The following TMEM132D variants were observed in gnomAD, a reference collection of about 807,000 sequenced individuals.
TMEM132D encodes mature OL transmembrane protein.
Under a neutral mutation model 62.3 loss-of-function variants are expected in TMEM132D, and 21 were observed. That is an observed-to-expected ratio of 0.34 (90% CI 0.24 to 0.49). TMEM132D has a LOEUF of 0.49. Among genes scored for constraint, TMEM132D ranks in the 20% least tolerant of loss-of-function variants. The pLI is 0.99. For missense variants in TMEM132D, 1,346 were observed against 1,402.8 expected, an observed-to-expected ratio of 0.96 and a Z score of 0.65; for synonymous variants, 621 against 575.6, an observed-to-expected ratio of 1.08 and a Z score of -1.13.
intron 2 of TMEM132D, among the ~76,000 whole-genome samples, chr12:129,579,406 G>A (rs1262633669): frequency 2.0e-5 from 3 of 152,186 alleles, no homozygotes; most frequent in Admixed American, 2.0e-4. Context: ...ACAACCACAA[G>A]GTGAAGTCCC....
chr12:129,738,832 T>C (rs971977481), intron 1 of TMEM132D, among the ~76,000 whole-genome samples: 1 of 152,212 alleles, frequency 6.6e-6, no homozygotes, highest in African/African-American at 2.4e-5. Flanking sequence ...GCTTTCATTC[T>C]GCGAGATAAC....
chr12:129,615,800 T>C (rs7959543), intron 2 of TMEM132D, among the ~76,000 whole-genome samples: 12,622 of 53,966 alleles, frequency 0.23, 582 homozygotes, highest in Non-Finnish European at 0.33. Context: ...CAAAACAAAA[T>C]AAAATAAAAT....
intron 1 of TMEM132D, among the ~76,000 whole-genome samples, chr12:129,896,528 A>C (rs1875140351): frequency 6.6e-6 from 1 of 152,224 alleles, no homozygotes; most frequent in Non-Finnish European, 1.5e-5. Flanking sequence ...TTCCTGACCA[A>C]AATGCAAACA....
intron 4 of TMEM132D, among the ~76,000 whole-genome samples, chr12:129,282,424 C>T (rs1881182460): frequency 6.6e-6 from 1 of 152,132 alleles, no homozygotes; most frequent in Non-Finnish European, 1.5e-5. Flanking sequence ...TCCTGCAGCT[C>T]CCAATGGCAT....
chr12:129,168,091 T>C (rs7301151), intron 5 of TMEM132D, among the ~76,000 whole-genome samples: 53,278 of 152,002 alleles, frequency 0.35, 10,162 homozygotes, highest in African/African-American at 0.49. Flanking sequence ...TCAGAGTTAA[T>C]AGAAGGAACA....
chr12:129,428,580 C>T (rs1042134930), intron 3 of TMEM132D, among the ~76,000 whole-genome samples: 3 of 152,050 alleles, frequency 2.0e-5, no homozygotes, highest in African/African-American at 7.2e-5. Context: ...TATTTGTAGC[C>T]CTGGGACAAA....
chr12:129,321,803 C>A (rs1868720448), intron 4 of TMEM132D, among the ~76,000 whole-genome samples: 1 of 152,204 alleles, frequency 6.6e-6, no homozygotes, highest in Admixed American at 6.5e-5. Context: ...TCGTGATCCA[C>A]CCGCCTCGGC....
intron 2 of TMEM132D, among the ~76,000 whole-genome samples, chr12:129,656,169 C>T (rs1880068061): frequency 6.6e-6 from 1 of 151,650 alleles, no homozygotes; most frequent in African/African-American, 2.4e-5. Context: ...TAAGATTTAT[C>T]TGGTGTAGTT....
rs554010912 is a variant in TMEM132D, at chr12:129,666,860, A to G, written c.968+32950T>C. Among the ~76,000 whole-genome samples the G allele has an allele frequency of 3.3e-5, 5 of 152,292 alleles. No homozygotes were observed. The East Asian group carries it at 5.8e-4, about 18-fold the overall frequency. On this transcript the variant is annotated intron_variant, in intron 2 of 8. Transcript: ENST00000422113. ...GAATGTGTTTTTGGTAAAAGATAATAAGAAGGCATGATAATATGGTTTTTG... is the reference window on the plus strand; with the variant it reads ...GAATGTGTTTTTGGTAAAAGATAATGAGAAGGCATGATAATATGGTTTTTG...
chr12:129,570,947 C>G (rs1877495004), intron 2 of TMEM132D, among the ~76,000 whole-genome samples: 2 of 152,130 alleles, frequency 1.3e-5, no homozygotes, highest in African/African-American at 2.4e-5. Flanking sequence ...TCCCCCAGCA[C>G]ATAGCCAGGG....
At chr12:129,679,846 CTT>C (rs1565946598) in intron 2 of TMEM132D, among the ~76,000 whole-genome samples, 1 of 151,934 alleles carries the variant, frequency 6.6e-6, no homozygotes, top group African/African-American at 2.4e-5. Flanking sequence ...ATTTTTGTCT[CTT>C]ATATGCTTTG....
In TMEM132D at chr12:129,411,500, C is replaced by T. The variant is rs117940597; in HGVS notation, c.1116-73683G>A. Among the ~76,000 whole-genome samples, 1,338 of 152,230 alleles carry T rather than the reference C, an allele frequency of 8.8e-3. 10 individuals are homozygous for T. The highest frequency in any genetic ancestry group is 0.022 in the South Asian group (106 of 4,814). On this transcript the variant is annotated intron_variant, in intron 3 of 8. Transcript: ENST00000422113. The stretch of plus-strand genomic sequence containing the variant: ...CTTCCTGCCTCAGTCTTCCAAGTAG[C>T]TGGGACCATGCCCAGCTAATTTTTA...
chr12:129,168,100 C>G (rs1877616617), intron 5 of TMEM132D, among the ~76,000 whole-genome samples: 1 of 152,138 alleles, frequency 6.6e-6, no homozygotes, highest in Non-Finnish European at 1.5e-5. Flanking sequence ...ATAGAAGGAA[C>G]AGTCATGATG....
At chr12:129,330,568 G>A (rs1593339581) in intron 4 of TMEM132D, among the ~76,000 whole-genome samples, 1 of 152,202 alleles carries the variant, frequency 6.6e-6, no homozygotes, top group East Asian at 1.9e-4. Context: ...GGATGAATGG[G>A]TTATCATGGG....
chr12:129,459,665 C>A (rs1051773163), intron 3 of TMEM132D, among the ~76,000 whole-genome samples: 3 of 152,078 alleles, frequency 2.0e-5, no homozygotes, highest in Non-Finnish European at 2.9e-5. Flanking sequence ...AGGAAATTCC[C>A]GGGAATTCTC....
intron 1 of TMEM132D, among the ~76,000 whole-genome samples, chr12:129,712,591 A>T (rs1009865587): frequency 2.6e-5 from 4 of 152,216 alleles, no homozygotes; most frequent in South Asian, 2.1e-4. Context: ...ACGCACCACC[A>T]GTGGTTACTG....
intron 5 of TMEM132D, among the ~76,000 whole-genome samples, chr12:129,134,124 G>GTGTGTGTGTT (rs1876473117): frequency 7.0e-6 from 1 of 142,042 alleles, no homozygotes; most frequent in African/African-American, 2.9e-5. Context: ...TGTTGTGTGT[G>GTGTGTGTGTT]TGTGTGTGTC....
At chr12:129,425,493 T>C (rs1872469457) in intron 3 of TMEM132D, among the ~76,000 whole-genome samples, 1 of 152,068 alleles carries the variant, frequency 6.6e-6, no homozygotes, top group Non-Finnish European at 1.5e-5. Flanking sequence ...TTGACATGAC[T>C]GGCTTAATGT....
chr12:129,580,234 G>A (rs1334045117), intron 2 of TMEM132D, among the ~76,000 whole-genome samples: 8 of 152,082 alleles, frequency 5.3e-5, no homozygotes, highest in African/African-American at 1.9e-4. Flanking sequence ...AAAAAAACTC[G>A]GGTCGAAAAT....
Sources: gnomAD v4.1 joint callset for allele counts (sites outside exome capture counted in the v4.1 genomes callset) on GRCh38, gnomAD v4.1.1 for gene constraint, MANE v1.5 for transcripts, NCBI Gene and HGNC (gene_info 2026-07-23, HGNC 2026-07-21) for gene names.